Variants in PGM5 observed in about 807,000 individuals in gnomAD.
PGM5 encodes the protein phosphoglucomutase 5.
A neutral mutation model predicts 59.2 loss-of-function variants in PGM5; 23 were observed. The observed-to-expected ratio is 0.39, with a 90% confidence interval of 0.28 to 0.55. The LOEUF is 0.55. Ranked by LOEUF, PGM5 falls within the 20% of genes least tolerant of loss-of-function variation. PGM5 has a pLI of 0.66. For missense variants in PGM5, 574 were observed against 748.3 expected, an observed-to-expected ratio of 0.77 and a Z score of 2.72; for synonymous variants, 214 against 286.0, an observed-to-expected ratio of 0.75 and a Z score of 2.54.
chr9:68,387,638 G>C (rs2480145), intron 4 of PGM5, 50 bp downstream of exon 4: 186,251 of 1,291,728 alleles, frequency 0.14, 10,655 homozygotes, highest in South Asian at 0.21. Flanking sequence ...ATTGAGACCT[G>C]TACACCTGTT....
chr9:68,370,374 C>T (rs1345737644), intron 1 of PGM5, among the ~76,000 whole-genome samples: 15 of 151,962 alleles, frequency 9.9e-5, no homozygotes, highest in African/African-American at 2.2e-4. Context: ...TGCTTTCATG[C>T]GTGTTATGTC....
At chr9:68,458,244 G>A (rs1169223394) in intron 6 of PGM5, among the ~76,000 whole-genome samples, 1 of 152,060 alleles carries the variant, frequency 6.6e-6, no homozygotes, top group Non-Finnish European at 1.5e-5. Flanking sequence ...TTAAAGTTAG[G>A]ATTTTCAGAA....
chr9:68,484,551 C>T (rs1300524121), intron 9 of PGM5, among the ~76,000 whole-genome samples: 3 of 148,636 alleles, frequency 2.0e-5, no homozygotes, highest in Admixed American at 2.0e-4. Flanking sequence ...AACACACACA[C>T]ACACACACAC....
intron 6 of PGM5, chr9:68,398,941 G>A (rs1554680288): frequency 2.0e-5 from 3 of 152,008 alleles, no homozygotes; most frequent in African/African-American, 7.3e-5. Flanking sequence ...AAATGATAAT[G>A]CATTTCTTTT....
intron 2 of PGM5, among the ~76,000 whole-genome samples, chr9:68,382,551 T>A (rs1554678414): frequency 6.6e-6 from 1 of 151,792 alleles, no homozygotes; most frequent in East Asian, 1.9e-4. Flanking sequence ...TTTTCCATTT[T>A]TCATTTATTT....
At chr9:68,523,522 A>G (rs1462706161) in intron 10 of PGM5, among the ~76,000 whole-genome samples, 1 of 152,232 alleles carries the variant, frequency 6.6e-6, no homozygotes, top group Non-Finnish European at 1.5e-5. Flanking sequence ...TCTGGAGAGA[A>G]AGCCTGGCAT....
intron 6 of PGM5, among the ~76,000 whole-genome samples, chr9:68,441,780 G>C (rs894452880): frequency 2.6e-5 from 4 of 152,098 alleles, no homozygotes; most frequent in East Asian, 1.9e-4. Flanking sequence ...GAATTAAAAG[G>C]CATATAGGGT....
At chr9:68,409,590 T>C (rs1424436845) in intron 6 of PGM5, among the ~76,000 whole-genome samples, 3 of 132,538 alleles carry the variant, frequency 2.3e-5, no homozygotes, top group African/African-American at 8.5e-5. Context: ...ATGGATGAAA[T>C]TGGAAATCAT....
intron 9 of PGM5, among the ~76,000 whole-genome samples, chr9:68,490,669 G>A (rs180693434): frequency 6.6e-6 from 1 of 152,278 alleles, no homozygotes; most frequent in East Asian, 1.9e-4. Context: ...CTTCAACTTT[G>A]ATCACATTCT....
At chr9:68,426,473 T>C (rs79037632) in intron 6 of PGM5, among the ~76,000 whole-genome samples, 3,601 of 152,278 alleles carry the variant, frequency 0.024, 130 homozygotes, top group African/African-American at 0.08. Flanking sequence ...ACTTTTCATA[T>C]CTAATGTTAT....
intron 10 of PGM5, among the ~76,000 whole-genome samples, chr9:68,511,985 A>G (rs187248225): frequency 1.3e-5 from 2 of 152,288 alleles, no homozygotes; most frequent in East Asian, 3.9e-4. Flanking sequence ...GGCATTTTAG[A>G]TGTACCATGC....
At chr9:68,445,598 A>G (rs1297965107) in intron 6 of PGM5, among the ~76,000 whole-genome samples, 3 of 152,026 alleles carry the variant, frequency 2.0e-5, no homozygotes, top group Non-Finnish European at 4.4e-5. Context: ...TTGCTCACTC[A>G]CTCTGACTCA....
intron 6 of PGM5, among the ~76,000 whole-genome samples, chr9:68,457,719 G>T (rs1421500253): frequency 6.6e-6 from 1 of 152,168 alleles, no homozygotes; most frequent in Non-Finnish European, 1.5e-5. Context: ...CTCCTGGGTT[G>T]GAGCTGTCAT....
intron 9 of PGM5, among the ~76,000 whole-genome samples, chr9:68,490,819 C>G (rs566960677): frequency 6.6e-6 from 1 of 152,326 alleles, no homozygotes; most frequent in South Asian, 2.1e-4. Context: ...ATTAACCCAC[C>G]TATAGAATTT....
intron 10 of PGM5, among the ~76,000 whole-genome samples, chr9:68,515,735 TTTTTA>T (rs1201339546): frequency 6.6e-6 from 1 of 152,244 alleles, no homozygotes; most frequent in Admixed American, 6.5e-5. Flanking sequence ...TCTTAATCTC[TTTTTA>T]TTTTATCTTT....
intron 9 of PGM5, chr9:68,498,953 C>T (rs782332741): frequency 9.9e-5 from 37 of 372,976 alleles, no homozygotes; most frequent in Non-Finnish European, 1.7e-4. Context: ...TCCCATATCA[C>T]CAGCCCAAGA....
chr9:68,413,656 C>T (rs1822974919), intron 6 of PGM5, among the ~76,000 whole-genome samples: 1 of 152,168 alleles, frequency 6.6e-6, no homozygotes, highest in South Asian at 2.1e-4. Flanking sequence ...ATCTGTGATA[C>T]TAATCTTTTA....
At chr9:68,442,620 A>G (rs1198058418) in intron 6 of PGM5, among the ~76,000 whole-genome samples, 1 of 152,232 alleles carries the variant, frequency 6.6e-6, no homozygotes, top group Admixed American at 6.5e-5. Flanking sequence ...CCAGAAATAC[A>G]CCTAAATAAA....
At chr9:68,455,698 T>C (rs1157687116) in intron 6 of PGM5, among the ~76,000 whole-genome samples, 2 of 152,116 alleles carry the variant, frequency 1.3e-5, no homozygotes, top group African/African-American at 4.8e-5. Flanking sequence ...CTGGTGGCAT[T>C]GGTGGGTTCT....
Sources: allele counts gnomAD v4.1 joint callset (sites outside exome capture counted in the v4.1 genomes callset), GRCh38; gene constraint gnomAD v4.1.1; transcripts MANE v1.5; gene names NCBI Gene and HGNC (gene_info 2026-07-23, HGNC 2026-07-21).